Variants in RAB31 observed in about 807,000 individuals in gnomAD.
RAB31 encodes the protein ras-related protein Rab-31.
RAB31 carries 21 observed loss-of-function variants against 25.6 expected under a neutral mutation model. The ratio of observed to expected loss-of-function variants is 0.82; its 90% CI spans 0.58 to 1.18. The LOEUF is 1.18. Among genes scored for constraint, RAB31 ranks in the 50% most tolerant of loss-of-function variants. The probability of loss-of-function intolerance (pLI) is 0.00; values close to 1 mark genes in which losing one functional copy is unlikely to be tolerated. For synonymous variants in RAB31, 87 were observed against 84.0 expected (o/e 1.04, Z -0.20); for missense variants, 196 against 250.1 (o/e 0.78, Z 1.46).
At chr18:9,758,873 C>T (rs541957893) in intron 1 of RAB31, among the ~76,000 whole-genome samples, 13 of 152,102 alleles carry the variant, frequency 8.5e-5, no homozygotes, top group Non-Finnish European at 1.6e-4. Flanking sequence ...GGCCTTTGCT[C>T]TGAAAGTGCA....
At chr18:9,736,875 A>G (rs1392441923) in intron 1 of RAB31, among the ~76,000 whole-genome samples, 1 of 152,206 alleles carries the variant, frequency 6.6e-6, no homozygotes, top group African/African-American at 2.4e-5. Flanking sequence ...TGCCCCTGTC[A>G]TTTGAAAAGC....
At chr18:9,776,003 T>G (rs1448262982) in intron 2 of RAB31, among the ~76,000 whole-genome samples, 1 of 152,098 alleles carries the variant, frequency 6.6e-6, no homozygotes, top group Non-Finnish European at 1.5e-5. Context: ...TTGGTCAGGC[T>G]GGTCTTGAAC....
chr18:9,761,899 C>T (rs976602393), intron 1 of RAB31, among the ~76,000 whole-genome samples: 5 of 152,166 alleles, frequency 3.3e-5, no homozygotes, highest in African/African-American at 9.7e-5. Context: ...CCTCTGCCTT[C>T]GGGTTCAAAC....
intron 5 of RAB31, among the ~76,000 whole-genome samples, chr18:9,818,998 G>C (rs1269922950): frequency 6.6e-6 from 1 of 152,138 alleles, no homozygotes; most frequent in African/African-American, 2.4e-5. Flanking sequence ...TTATCGAGTT[G>C]TAAGAGTTCT....
chr18:9,859,049 G>A (rs1360366538), intron 6 of RAB31, among the ~76,000 whole-genome samples, 179 bp from the exon 7 acceptor site: 1 of 152,102 alleles, frequency 6.6e-6, no homozygotes, highest in Non-Finnish European at 1.5e-5. Context: ...GAACTAGGGA[G>A]GAAAGGATAG....
intron 2 of RAB31, among the ~76,000 whole-genome samples, chr18:9,786,612 A>G (rs1049234089): frequency 1.6e-4 from 24 of 152,170 alleles, no homozygotes; most frequent in African/African-American, 5.8e-4. Flanking sequence ...CCTAGCTGGT[A>G]TCTGCTGCTG....
At chr18:9,772,746 G>A (rs1055117299) in intron 1 of RAB31, among the ~76,000 whole-genome samples, 1 of 152,204 alleles carries the variant, frequency 6.6e-6, no homozygotes, top group Non-Finnish European at 1.5e-5. Flanking sequence ...CCTCATGAAA[G>A]TGTGCTGCCT....
intron 1 of RAB31, among the ~76,000 whole-genome samples, chr18:9,736,657 T>C (rs1343178901): frequency 6.6e-6 from 1 of 152,236 alleles, no homozygotes; most frequent in African/African-American, 2.4e-5. Context: ...TCCCATTAAA[T>C]ATCCAAAGTC....
At chr18:9,774,198 CT>C (rs1023304011) in intron 1 of RAB31, among the ~76,000 whole-genome samples, 3 of 152,078 alleles carry the variant, frequency 2.0e-5, no homozygotes, top group African/African-American at 4.8e-5. Context: ...AACTCTAGAG[CT>C]TTTTTTCTCC....
At chr18:9,724,289 A>C (rs1310355751) in intron 1 of RAB31, among the ~76,000 whole-genome samples, 3 of 20,192 alleles carry the variant, frequency 1.5e-4, no homozygotes, top group African/African-American at 6.6e-4. Flanking sequence ...AAAAAAAAAC[A>C]AAAAAAAAAC....
At chr18:9,745,027 C>CT (rs2068198328) in intron 1 of RAB31, among the ~76,000 whole-genome samples, 2 of 151,932 alleles carry the variant, frequency 1.3e-5, no homozygotes, top group South Asian at 4.1e-4. Flanking sequence ...AAAGTTGGTT[C>CT]TTTGAAGATC....
At chr18:9,757,514 A>G (rs1023393786) in intron 1 of RAB31, among the ~76,000 whole-genome samples, 3 of 152,216 alleles carry the variant, frequency 2.0e-5, no homozygotes, top group Non-Finnish European at 4.4e-5. Context: ...CTTCCTGCAG[A>G]TTCCTTTTTT....
intron 5 of RAB31, among the ~76,000 whole-genome samples, chr18:9,827,713 A>ATAGGG (rs1452105703): frequency 3.9e-5 from 6 of 152,150 alleles, no homozygotes; most frequent in African/African-American, 1.2e-4. Flanking sequence ...AGAAGTGAAA[A>ATAGGG]TAGGGTAGGG....
chr18:9,738,286 A>G (rs888615225), intron 1 of RAB31, among the ~76,000 whole-genome samples: 1 of 152,156 alleles, frequency 6.6e-6, no homozygotes, highest in Non-Finnish European at 1.5e-5. Flanking sequence ...TTGCCTGCTC[A>G]TGATGGACTG....
chr18:9,798,235 A>G (rs1461885929), intron 3 of RAB31, among the ~76,000 whole-genome samples: 1 of 152,228 alleles, frequency 6.6e-6, no homozygotes, highest in Non-Finnish European at 1.5e-5. Flanking sequence ...CCATGTGGCT[A>G]TGTGGTCACC....
rs144795778 is a variant in RAB31, at chr18:9,757,007, G to A, written c.40-18271G>A. The stretch of plus-strand genomic sequence containing the variant: ...CTGACATGCTCCTACCAGAGTTTAC[G>A]TCTTAGCCTGCAGTACATTCATTCC... On this transcript the variant is annotated intron_variant, in intron 1 of 6. Coordinates refer to ENST00000578921, the MANE Select transcript of RAB31 (RefSeq NM_006868.4). 3.3e-4 allele frequency among the ~76,000 whole-genome samples: 51 copies of A among 152,252 alleles called. No individual in the cohort carries two copies. In the East Asian group the frequency reaches 9.1e-3, roughly 27 times the overall value.
intron 6 of RAB31, among the ~76,000 whole-genome samples, chr18:9,857,683 A>AGATG (rs1555693026): frequency 2.5e-5 from 3 of 119,326 alleles, no homozygotes; most frequent in Admixed American, 2.5e-4. Context: ...ATAGATAGAT[A>AGATG]GATGATAGAT....
At chr18:9,856,538 A>G (rs1338007194) in intron 6 of RAB31, among the ~76,000 whole-genome samples, 9 of 152,358 alleles carry the variant, frequency 5.9e-5, no homozygotes, top group African/African-American at 2.2e-4. Context: ...ATGGAGGGCT[A>G]AAAAGCTAAT....
intron 6 of RAB31, among the ~76,000 whole-genome samples, chr18:9,851,432 T>C (rs1017717479): frequency 6.6e-5 from 10 of 152,226 alleles, no homozygotes; most frequent in African/African-American, 2.2e-4. Flanking sequence ...TGCTGAAATA[T>C]ATACTTAGCT....
Sources: allele counts gnomAD v4.1 joint callset (sites outside exome capture counted in the v4.1 genomes callset), GRCh38; gene constraint gnomAD v4.1.1; transcripts MANE v1.5; gene names NCBI Gene and HGNC (gene_info 2026-07-23, HGNC 2026-07-21).